Variants in PHF24 observed in about 807,000 individuals in gnomAD.
PHF24 encodes PHD finger protein 24.
PHF24 carries 25 observed loss-of-function variants against 42.6 expected under a neutral mutation model. The observed-to-expected ratio is 0.59, with a 90% CI of 0.43 to 0.82. The LOEUF (loss-of-function observed/expected upper bound fraction) is 0.82. Ranked by LOEUF, PHF24 falls within the 40% of genes least tolerant of loss-of-function variation. The pLI is 0.00. For synonymous variants in PHF24, 185 were observed against 204.8 expected (o/e 0.90, Z 0.83); for missense variants, 470 against 538.1 (o/e 0.87, Z 1.25).
the PHF24 span, among the ~76,000 whole-genome samples, chr9:34,772,667 A>G: frequency 1.3e-5 from 2 of 152,230 alleles, no homozygotes; most frequent in Non-Finnish European, 2.9e-5. Flanking sequence ...TTAAAAAGGA[A>G]TCCTCACTGA....
chr9:34,969,354 C>T (rs979143132), intron 1 of PHF24, among the ~76,000 whole-genome samples: 1 of 152,200 alleles, frequency 6.6e-6, no homozygotes, highest in Non-Finnish European at 1.5e-5. Context: ...TAAAACTGCC[C>T]TCTTTCGCCA....
At chr9:34,974,506 C>T (rs1397901790) in intron 3 of PHF24, among the ~76,000 whole-genome samples, 14 of 152,174 alleles carry the variant, frequency 9.2e-5, no homozygotes, top group Admixed American at 9.2e-4. Flanking sequence ...CCACATTCTG[C>T]AGCTGTCTTT....
chr9:34,935,007 G>C, the PHF24 span, among the ~76,000 whole-genome samples: 1 of 152,162 alleles, frequency 6.6e-6, no homozygotes, highest in African/African-American at 2.4e-5. Flanking sequence ...ATAGATAAAG[G>C]AAAGGACTGA....
At chr9:34,971,586 A>G (rs1363663239) in exon 2 of PHF24, 1 of 1,614,008 alleles carries the variant, frequency 6.2e-7, no homozygotes, top group Non-Finnish European at 8.5e-7. Context: ...TTGACAGGAC[A>G]AGTCGATTCA....
At chr9:34,977,639 C>T (rs750179645) in exon 7 of PHF24, 1 of 1,592,704 alleles carries the variant, frequency 6.3e-7, no homozygotes, top group Non-Finnish European at 8.6e-7. Flanking sequence ...AGCAGGAGTC[C>T]AGGTGAGTAG....
At chr9:34,689,159 C>T in the PHF24 span, among the ~76,000 whole-genome samples, 1 of 152,180 alleles carries the variant, frequency 6.6e-6, no homozygotes, top group African/African-American at 2.4e-5. The surrounding 1 kb of genome is among the most constrained non-coding windows in gnomAD (Gnocchi z 4.1). Flanking sequence ...CCTCCCCCAG[C>T]CGTGAGAGCT....
chr9:34,789,006 G>A, the PHF24 span, among the ~76,000 whole-genome samples: 4 of 152,118 alleles, frequency 2.6e-5, no homozygotes, highest in Admixed American at 2.0e-4. Context: ...ACATTTCTGA[G>A]GTGGCAGTAA....
the PHF24 span, among the ~76,000 whole-genome samples, chr9:34,688,511 T>C: frequency 1.3e-5 from 2 of 152,152 alleles, no homozygotes; most frequent in Non-Finnish European, 1.5e-5. Context: ...CTGGAGCCCA[T>C]GTAGACTGTA....
chr9:34,912,490 A>C, the PHF24 span, among the ~76,000 whole-genome samples: 6 of 152,278 alleles, frequency 3.9e-5, no homozygotes, highest in South Asian at 6.2e-4. Context: ...GTCCATACTC[A>C]CCACTAAGCT....
chr9:34,970,207 C>G (rs1826925209), intron 1 of PHF24, among the ~76,000 whole-genome samples: 1 of 152,200 alleles, frequency 6.6e-6, no homozygotes, highest in South Asian at 2.1e-4. Context: ...AAATAGCAGA[C>G]CAGCTTTGCA....
chr9:34,678,926 G>A, the PHF24 span, among the ~76,000 whole-genome samples: 6 of 152,200 alleles, frequency 3.9e-5, no homozygotes, highest in South Asian at 4.2e-4. Context: ...CATCACACCC[G>A]GCCCCTTTAG....
At chr9:34,673,917 G>A in the PHF24 span, among the ~76,000 whole-genome samples, 20 of 152,066 alleles carry the variant, frequency 1.3e-4, no homozygotes, top group African/African-American at 4.1e-4. Context: ...CACCGCACCT[G>A]GCCAGCCTGG....
At chr9:34,705,310 ATTTTTAAAATTAATTTATTTACT>A in the PHF24 span, among the ~76,000 whole-genome samples, 1 of 152,022 alleles carries the variant, frequency 6.6e-6, no homozygotes, top group Non-Finnish European at 1.5e-5. Context: ...CCTTTATTTT[ATTTTTAAAATTAATTTATTTACT>A]TTGAGACAGG....
the PHF24 span, among the ~76,000 whole-genome samples, chr9:34,751,452 A>C: frequency 3.3e-5 from 5 of 152,312 alleles, no homozygotes; most frequent in South Asian, 1.0e-3. Context: ...AAAAAGAGAC[A>C]AAGAAGGTCA....
At chr9:34,859,236 G>A in the PHF24 span, among the ~76,000 whole-genome samples, 1 of 152,110 alleles carries the variant, frequency 6.6e-6, no homozygotes, top group Admixed American at 6.5e-5. Context: ...TTCATGAATG[G>A]CACTTGCTAC....
chr9:34,729,808 A>G, the PHF24 span, among the ~76,000 whole-genome samples: 141,115 of 152,258 alleles, frequency 0.93, 66,323 homozygotes, highest in East Asian at 1. Flanking sequence ...AAGAAGGGGT[A>G]GATAGGCCGG....
upstream of PHF24, chr9:34,958,265 CCTGCCGCTCCGCCCGCGCCGCCTG>C (rs1454628342): frequency 6.5e-6 from 1 of 154,026 alleles, no homozygotes; most frequent in Non-Finnish European, 1.4e-5. The surrounding 1 kb of genome is among the most constrained non-coding windows in gnomAD (Gnocchi z 4.5). Context: ...GCCTCCTCAG[CCTGCCGCTCCGCCCGCGCCGCCTG>C]CTGCCGGCGC....
the PHF24 span, among the ~76,000 whole-genome samples, chr9:34,843,009 A>G: frequency 0.14 from 21,985 of 152,196 alleles, 2,158 homozygotes; most frequent in Non-Finnish European, 0.22. Context: ...TGTGTCATCC[A>G]TTTTTATGGT....
chr9:34,859,924 TTC>T, the PHF24 span, among the ~76,000 whole-genome samples: 3 of 152,298 alleles, frequency 2.0e-5, no homozygotes, highest in Admixed American at 2.0e-4. Context: ...TCAGATACTT[TTC>T]TCCCATGCAT....
Sources: gnomAD v4.1 joint callset for allele counts (sites outside exome capture counted in the v4.1 genomes callset) on GRCh38, gnomAD v4.1.1 for gene constraint, Gnocchi (gnomAD v3.1) non-coding constraint, MANE v1.5 for transcripts, NCBI Gene and HGNC (gene_info 2026-07-23, HGNC 2026-07-21) for gene names.